ASB2: variants seen among roughly 807,000 people sequenced by gnomAD.
The protein encoded by ASB2 is ankyrin repeat and SOCS box protein 2.
A neutral mutation model predicts 62.4 loss-of-function variants in ASB2; 58 were observed. That is an observed-to-expected ratio of 0.93 (90% confidence interval 0.75 to 1.16). The LOEUF (loss-of-function observed/expected upper bound fraction) is 1.16, where lower values mean the gene tolerates loss of function less well. ASB2 is among the 50% of genes most tolerant of loss of function. ASB2 has a pLI of 0.00. For missense variants in ASB2, 928 were observed against 887.9 expected, an observed-to-expected ratio of 1.05 and a Z score of -0.57; for synonymous variants, 386 against 385.3, an observed-to-expected ratio of 1.00 and a Z score of -0.02.
intron 1 of ASB2, among the ~76,000 whole-genome samples, chr14:93,973,188 T>A (rs1889811121): frequency 6.6e-6 from 1 of 152,034 alleles, no homozygotes; most frequent in Admixed American, 6.5e-5. Context: ...GATTTGAACC[T>A]GTCCAAAGCT....
chr14:93,975,027 A>G (rs1226242713), intron 1 of ASB2, among the ~76,000 whole-genome samples: 4 of 152,246 alleles, frequency 2.6e-5, no homozygotes, highest in African/African-American at 9.6e-5. Context: ...TGTGCAGCAC[A>G]TGGGCCTGCC....
chr14:93,947,260 A>G, intron 7 of ASB2, 89 bp downstream of exon 7: 1 of 1,398,902 alleles, frequency 7.1e-7, no homozygotes. Flanking sequence ...TGTGGGTGGG[A>G]CATTCAGGGC....
chr14:93,945,092 A>G lies in ASB2; in HGVS notation c.1052+2257T>C, dbSNP rs145374100. Among the ~76,000 whole-genome samples, 502 of 152,288 alleles carry G rather than the reference A, an allele frequency of 3.3e-3. 1 individual carries two copies. Among genetic ancestry groups the G allele is most frequent in the Non-Finnish European group, 6.1e-3 (414 of 68,014 alleles). On this transcript the variant is annotated intron_variant, in intron 7 of 9. Coordinates refer to ENST00000555019, the MANE Select transcript of ASB2 (RefSeq NM_001202429.2). ...TTTGCTCAGGGAGCTTTTCAAAGAG[A>G]CAGTGGGGCTCCTTCTCTCCTGGAG...
chr14:93,954,037 GA>G (rs1397050060), intron 4 of ASB2, among the ~76,000 whole-genome samples: 1 of 152,162 alleles, frequency 6.6e-6, no homozygotes, highest in African/African-American at 2.4e-5. Context: ...GGACATTCTG[GA>G]ACAAGTTGGC....
chr14:93,937,550 C>G, intron 9 of ASB2, 148 bp downstream of exon 9: 2 of 793,504 alleles, frequency 2.5e-6, no homozygotes, highest in Admixed American at 5.8e-5. Context: ...CTCTGAGAGG[C>G]AGATTCCTCA....
At chr14:93,965,328 G>T (rs186661864) in intron 1 of ASB2, among the ~76,000 whole-genome samples, 8 of 152,334 alleles carry the variant, frequency 5.3e-5, no homozygotes, top group Admixed American at 5.2e-4. Context: ...GCTTACACAG[G>T]ATTGCATACC....
At chr14:93,957,427 G>A in intron 2 of ASB2, 5 of 991,130 alleles carry the variant, frequency 5.0e-6, no homozygotes, top group Non-Finnish European at 6.0e-6. Context: ...AACCTCTATA[G>A]TGTTATTATA....
chr14:93,958,156 G>T (rs1008933082), intron 2 of ASB2, among the ~76,000 whole-genome samples: 1 of 152,172 alleles, frequency 6.6e-6, no homozygotes, highest in Admixed American at 6.5e-5. Context: ...CCTCATCCTC[G>T]CCGCTGTCAC....
intron 9 of ASB2, 44 bp downstream of exon 9, chr14:93,937,654 G>C (rs1360372585): frequency 2.5e-6 from 4 of 1,584,374 alleles, no homozygotes; most frequent in Admixed American, 1.7e-5. Flanking sequence ...CTCTGAGTCA[G>C]GCAGGGAGAT....
intron 1 of ASB2, among the ~76,000 whole-genome samples, chr14:93,968,010 G>A (rs1395618085): frequency 6.6e-6 from 1 of 152,212 alleles, no homozygotes; most frequent in Non-Finnish European, 1.5e-5. Context: ...AGCTTGTAAG[G>A]GGTAACATGA....
At chr14:93,956,307 G>A (rs1490279213) in intron 3 of ASB2, among the ~76,000 whole-genome samples, 2 of 152,210 alleles carry the variant, frequency 1.3e-5, no homozygotes, top group East Asian at 1.9e-4. Context: ...AAGGCTGTGG[G>A]TGTGGGCATT....
At chr14:93,941,072 CA>C (rs1216806424) in intron 7 of ASB2, 2 of 152,704 alleles carry the variant, frequency 1.3e-5, no homozygotes, top group Non-Finnish European at 2.9e-5. Context: ...GTGGCCGGAG[CA>C]GGCCTGTGGC....
At chr14:93,955,929 C>A (rs1026430441) in intron 3 of ASB2, among the ~76,000 whole-genome samples, 1 of 152,156 alleles carries the variant, frequency 6.6e-6, no homozygotes, top group Non-Finnish European at 1.5e-5. Context: ...TAGCTGAGAC[C>A]AGCTCTGGGT....
chr14:93,947,146 G>A (rs1294884651), intron 7 of ASB2, among the ~76,000 whole-genome samples: 1 of 152,246 alleles, frequency 6.6e-6, no homozygotes, highest in African/African-American at 2.4e-5. Flanking sequence ...TTCAGTTGCT[G>A]TTGTTACAGG....
chr14:93,950,185 C>A (rs1008199703), intron 6 of ASB2, among the ~76,000 whole-genome samples: 7 of 152,214 alleles, frequency 4.6e-5, no homozygotes, highest in Middle Eastern at 3.2e-3. Context: ...CTTAGCAAGT[C>A]CTCAACAGAT....
At chr14:93,965,145 A>G (rs1020256316) in intron 1 of ASB2, among the ~76,000 whole-genome samples, 8 of 152,104 alleles carry the variant, frequency 5.3e-5, no homozygotes, top group African/African-American at 1.7e-4. Flanking sequence ...CACCCACCAT[A>G]CATCCATCTA....
Position 93,964,390 on chromosome 14 carries a change from C to T in ASB2, c.150G>A (p.Glu50=). 2 of 1,536,142 alleles carry T rather than the reference C, an allele frequency of 1.3e-6. No individual in the cohort carries two copies. The highest frequency in any genetic ancestry group is 1.7e-6 in the Non-Finnish European group (2 of 1,146,904). The change falls in exon 2 of 10, where the codon GAG becomes GAA. Residue 50 remains glutamate (E), a synonymous_variant. Coordinates refer to ENST00000555019, the MANE Select transcript of ASB2 (RefSeq NM_001202429.2). ...GGTTGGTACATGCAGACGCGGTGGC[C>T]TCAGCAGTGGTTGGGCCCCTTGTCT... ...ADKTRGPTTA[E]ATASACTNRQ... is the part of the protein sequence containing the mutation.
intron 2 of ASB2, among the ~76,000 whole-genome samples, chr14:93,958,589 T>C (rs1889307232): frequency 6.6e-6 from 1 of 152,212 alleles, no homozygotes; most frequent in Non-Finnish European, 1.5e-5. Flanking sequence ...GTCCACACTG[T>C]TTCTGTAGCT....
At chr14:93,966,684 G>A (rs1889603094) in intron 1 of ASB2, among the ~76,000 whole-genome samples, 1 of 152,270 alleles carries the variant, frequency 6.6e-6, no homozygotes, top group Admixed American at 6.5e-5. Flanking sequence ...TTTAGCCAAT[G>A]TTAGTTGGGT....
Sources: allele counts gnomAD v4.1 joint callset (sites outside exome capture counted in the v4.1 genomes callset), GRCh38; gene constraint gnomAD v4.1.1; transcripts MANE v1.5; gene names NCBI Gene and HGNC (gene_info 2026-07-23, HGNC 2026-07-21).